The following ITGA1 variants were observed in gnomAD, a reference collection of about 807,000 sequenced individuals.
The protein encoded by ITGA1 is integrin subunit alpha 1.
ITGA1 carries 85 observed loss-of-function variants against 145.9 expected under a neutral mutation model. The ratio of observed to expected loss-of-function variants is 0.58; its 90% CI spans 0.49 to 0.70. The LOEUF is 0.70. Ranked by LOEUF, ITGA1 falls within the 30% of genes least tolerant of loss-of-function variation. ITGA1 has a pLI of 0.00. For synonymous variants in ITGA1, 520 were observed against 495.3 expected, an observed-to-expected ratio of 1.05 and a Z score of -0.66; for missense variants, 1,351 against 1,418.7, an observed-to-expected ratio of 0.95 and a Z score of 0.77.
At chr5:52,885,993 A>G (rs1032600621) in intron 7 of ITGA1, among the ~76,000 whole-genome samples, 5 of 152,228 alleles carry the variant, frequency 3.3e-5, no homozygotes, top group African/African-American at 1.2e-4. Flanking sequence ...ATATCATGGA[A>G]CAGCGTAATA....
chr5:52,915,668 T>A, intron 15 of ITGA1, 74 bp downstream of exon 15: 1 of 1,510,654 alleles, frequency 6.6e-7, no homozygotes, highest in Admixed American at 1.9e-5. Flanking sequence ...TTGGAGCTCA[T>A]GTCATACCAA....
intron 1 of ITGA1, chr5:52,802,412 G>T (rs780997062): frequency 6.6e-6 from 1 of 152,138 alleles, no homozygotes; most frequent in African/African-American, 2.4e-5. Context: ...TCAAAGGCTT[G>T]TTAAACCAAT....
At chr5:52,878,275 G>A (rs1749898609) in intron 6 of ITGA1, among the ~76,000 whole-genome samples, 1 of 152,148 alleles carries the variant, frequency 6.6e-6, no homozygotes, top group Non-Finnish European at 1.5e-5. Flanking sequence ...GAGCAGATAA[G>A]GGAATAGGCA....
intron 12 of ITGA1, among the ~76,000 whole-genome samples, chr5:52,908,394 A>G (rs925943411): frequency 2.0e-5 from 3 of 152,180 alleles, no homozygotes; most frequent in Admixed American, 6.6e-5. Flanking sequence ...ATATTTTTCT[A>G]TGTCCCATAG....
rs796384016 is a variant in ITGA1, at chr5:52,820,400, A to T, written c.62-28965A>T. On this transcript the variant is annotated intron_variant, in intron 1 of 28. Transcript: ENST00000282588. ...GGTGGGGGGAGGGGGGAGGGATAGC[A>T]TTAGGAGATACACCTAATGCTAAAT... is the stretch of plus-strand genomic sequence containing the variant. 5.6e-4 allele frequency among the ~76,000 whole-genome samples: 82 copies of T among 145,930 alleles called. 1 individual carries two copies. The highest frequency in any genetic ancestry group is 2.0e-3 in the African/African-American group (79 of 39,862).
intron 1 of ITGA1, among the ~76,000 whole-genome samples, chr5:52,825,519 A>G (rs1396146088): frequency 1.3e-5 from 2 of 152,144 alleles, no homozygotes; most frequent in Non-Finnish European, 2.9e-5. Flanking sequence ...TAAGATGGAA[A>G]TTTTGATAAG....
chr5:52,881,633 GTTGAATTAGATAAACCAATCGT>G (rs1472033757), intron 6 of ITGA1, among the ~76,000 whole-genome samples: 1 of 152,198 alleles, frequency 6.6e-6, no homozygotes, highest in African/African-American at 2.4e-5. Flanking sequence ...TGTAAAATCT[GTTGAATTAGATAAACCAATCGT>G]TTGAGAAGTT....
chr5:52,842,687 C>CT (rs34210679), intron 1 of ITGA1, among the ~76,000 whole-genome samples: 206 of 117,602 alleles, frequency 1.8e-3, no homozygotes, highest in Non-Finnish European at 2.3e-3. Flanking sequence ...GGAGCATCAT[C>CT]TTTTTTTTTT....
At chr5:52,850,386 T>G (rs6880226) in intron 2 of ITGA1, among the ~76,000 whole-genome samples, 41,910 of 152,090 alleles carry the variant, frequency 0.28, 6,070 homozygotes, top group South Asian at 0.39. Context: ...TTTAATAGAA[T>G]TTTTAGTAAA....
Position 52,956,193 on chromosome 5 carries a change from AGT to A in ITGA1, c.*3746_*3747del, listed in dbSNP as rs1751301282. On this transcript the variant is annotated 3_prime_UTR_variant, in exon 29 of 29. Transcript: ENST00000282588. ...AATGGTGGCCCCACTGGCTCCATGG[AGT>A]GTGCCTTCACGCGGGGGAATGTCCT... The A allele has an allele frequency of 6.6e-6, 1 of 152,126 alleles. No individual in the cohort carries two copies. Among genetic ancestry groups the A allele is most frequent in the Non-Finnish European group, 1.5e-5 (1 of 68,048 alleles). 9.4% of individuals were successfully genotyped at this position (152,126 alleles called of 1,614,324 possible). A position where few individuals can be genotyped will look rare whatever the true frequency, so the allele number is the denominator to read the frequency against.
intron 8 of ITGA1, 136 bp downstream of exon 8, chr5:52,888,101 G>GCAA: frequency 2.5e-6 from 2 of 803,710 alleles, no homozygotes; most frequent in Non-Finnish European, 3.7e-6. Context: ...AGCCCTGGGA[G>GCAA]GACAGACTTG....
rs1481815065 is a variant in ITGA1 at position 52,864,994 on chromosome 5, T to C, written c.408T>C (p.Tyr136=). The change falls in exon 5 of 29, where the codon TAT becomes TAC. Residue 136 remains tyrosine (Y), a synonymous_variant. Coordinates refer to ENST00000282588, the MANE Select transcript of ITGA1 (RefSeq NM_181501.2). ...AGGCTTGTGGGCCCTTATATGCCTATAGATGTGGACATTTGCATTACACAA... is the reference window on the plus strand; with the variant it reads ...AGGCTTGTGGGCCCTTATATGCCTACAGATGTGGACATTTGCATTACACAA... ...GFLACGPLYA[Y]RCGHLHYTTG... is the part of the protein sequence containing the mutation. 5 of 1,613,460 alleles carry C rather than the reference T, an allele frequency of 3.1e-6. No homozygotes were observed. The highest frequency in any genetic ancestry group is 3.4e-6 in the Non-Finnish European group (4 of 1,179,722).
In ITGA1 at chr5:52,910,399, A is replaced by C. The variant is rs763623754; in HGVS notation, c.1837A>C (p.Ile613Leu). Residue 613 changes from isoleucine to leucine, a missense_variant, in exon 14 of 29, where the codon ATA (isoleucine) becomes CTA (leucine). By Grantham distance (5) the Ile-to-Leu change is conservative. Transcript: ENST00000282588. ...CATTTATCATGGAAGTGGCAAGACT[A>C]TAAGGAAAGAGTATGCACAAGTAAG... ...VYIYHGSGKT[I>L]RKEYAQRIPS... The C allele has an allele frequency of 6.2e-7, 1 of 1,613,632 alleles. No homozygotes were observed. Among genetic ancestry groups the C allele is most frequent in the South Asian group, 1.1e-5 (1 of 91,080 alleles).
rs1215474389 is a variant in ITGA1 at position 52,925,342 on chromosome 5, C to T, written c.2468C>T (p.Ala823Val). The T allele has an allele frequency of 3.1e-6, 5 of 1,613,960 alleles. No individual in the cohort carries two copies. The highest frequency in any genetic ancestry group is 2.7e-5 in the African/African-American group (2 of 74,908). The change falls in exon 19 of 29, where the codon GCC becomes GTC. Residue 823 changes from alanine to valine, a missense_variant. Physicochemically the swap from Ala to Val is moderately conservative, Grantham distance 64. Transcript: ENST00000282588. ...KCISDLSLHV[A>V]TTEKDLLIVR... ...ATCTCAGACCTCAGCCTGCATGTCG[C>T]CACCACTGAAAAGGACCTGCTGATT...
At chr5:52,846,222 G>A (rs546497730) in intron 1 of ITGA1, among the ~76,000 whole-genome samples, 2 of 152,170 alleles carry the variant, frequency 1.3e-5, no homozygotes, top group East Asian at 1.9e-4. Flanking sequence ...CCAACATGGC[G>A]AAACTCAGTC....
chr5:52,897,329 G>A, intron 9 of ITGA1, 126 bp from the exon 10 acceptor site: 1 of 650,130 alleles, frequency 1.5e-6, no homozygotes, highest in Admixed American at 2.8e-5. Flanking sequence ...GGCTGAAAAT[G>A]CCCTAAGATG....
chr5:52,801,129 A>T, intron 1 of ITGA1: 2 of 1,586,510 alleles, frequency 1.3e-6, no homozygotes, highest in Non-Finnish European at 1.7e-6. Flanking sequence ...AGGTAAAACA[A>T]TCTTACCCAG....
chr5:52,801,617 T>C, intron 1 of ITGA1: 2 of 1,614,014 alleles, frequency 1.2e-6, no homozygotes, highest in Non-Finnish European at 8.5e-7. Flanking sequence ...GACACATTGC[T>C]CATCAGCGAT....
At chr5:52,898,504 G>A (rs1294149096) in intron 11 of ITGA1, 121 bp downstream of exon 11, 3 of 882,492 alleles carry the variant, frequency 3.4e-6, no homozygotes, top group Non-Finnish European at 1.7e-6. Context: ...AACAAGTTGG[G>A]TATTTTCCAG....
Sources: gnomAD v4.1 joint callset for allele counts (sites outside exome capture counted in the v4.1 genomes callset) on GRCh38, gnomAD v4.1.1 for gene constraint, MANE v1.5 for transcripts, NCBI Gene and HGNC (gene_info 2026-07-23, HGNC 2026-07-21) for gene names.